Variants in TRIP12 observed in about 807,000 individuals in gnomAD.
TRIP12 encodes thyroid hormone receptor interactor 12, also known as E3 ubiquitin-protein ligase TRIP12.
In TRIP12, 25 loss-of-function variants were observed where a neutral mutation model predicts 244.2. The observed-to-expected ratio is 0.10, with a 90% CI of 0.07 to 0.14. TRIP12 has a LOEUF of 0.14. Among genes scored for constraint, TRIP12 ranks in the 10% least tolerant of loss-of-function variants. The pLI is 1.00. For synonymous variants in TRIP12, 905 were observed against 873.1 expected, an observed-to-expected ratio of 1.04 and a Z score of -0.64; for missense variants, 1,677 against 2,486.4, an observed-to-expected ratio of 0.67 and a Z score of 6.92.
At chr2:229,872,041 T>A (rs1289948484) in intron 2 of TRIP12, among the ~76,000 whole-genome samples, 1 of 143,276 alleles carries the variant, frequency 7.0e-6, no homozygotes, top group Non-Finnish European at 1.5e-5. Context: ...AATTGATATA[T>A]CTACATAACG....
chr2:229,768,788 G>A (rs183313022), intron 40 of TRIP12, 69 bp from the exon 41 acceptor site: 101 of 1,338,806 alleles, frequency 7.5e-5, no homozygotes, highest in African/African-American at 5.2e-4. Context: ...ACACTGCATC[G>A]CATCACATGA....
chr2:229,906,315 A>AG (rs1057437062), intron 1 of TRIP12, among the ~76,000 whole-genome samples: 15 of 151,462 alleles, frequency 9.9e-5, no homozygotes, highest in Non-Finnish European at 2.1e-4. Context: ...AAAAAAAAAA[A>AG]AAAGAAAAGA....
At chr2:229,884,903 G>A (rs376110588) in intron 1 of TRIP12, among the ~76,000 whole-genome samples, 2 of 152,276 alleles carry the variant, frequency 1.3e-5, no homozygotes, top group African/African-American at 4.8e-5. Flanking sequence ...CTGGGAGGAC[G>A]AGGCTGTGGC....
intron 1 of TRIP12, among the ~76,000 whole-genome samples, chr2:229,895,334 T>C (rs530940577): frequency 1.3e-5 from 2 of 150,448 alleles, no homozygotes; most frequent in South Asian, 2.1e-4. Flanking sequence ...AAATAAGATA[T>C]GCAGAGAATA....
chr2:229,778,946 T>C lies in TRIP12; in HGVS notation c.5139A>G (p.Val1713=), dbSNP rs767011745. 4 of 1,613,890 alleles carry C rather than the reference T, an allele frequency of 2.5e-6. No homozygotes were observed. In the Admixed American group the frequency reaches 6.7e-5, roughly 27 times the overall value. ...LGPTLEFYAL[V]SQELQRADLG... is the part of the protein sequence containing the mutation. ...AGTCAGCTCTCTGTAGTTCCTGAGA[T>C]ACAAGCGCATAAAACTCCAGTGTAG... is the stretch of plus-strand genomic sequence containing the variant. Residue 1713 remains valine (V), a synonymous_variant, in exon 35 of 42, where the codon GTA becomes GTG. Coordinates refer to ENST00000675903, the MANE Select transcript of TRIP12 (RefSeq NM_001348323.3). The surrounding 1 kb of genome is among the most constrained non-coding windows in gnomAD (Gnocchi z 4.1).
rs1159231231 is a variant in TRIP12, at chr2:229,765,672, T to G, written c.*1882A>C. The G allele has an allele frequency of 6.6e-6, 1 of 152,218 alleles. No homozygotes were observed. The highest frequency in any genetic ancestry group is 1.5e-5 in the Non-Finnish European group (1 of 68,034). 9.4% of individuals were successfully genotyped at this position (152,218 alleles called of 1,614,324 possible). A position where few individuals can be genotyped will look rare whatever the true frequency, so the allele number is the denominator to read the frequency against. ...TTTAAAAATCAGGAACAAAATGCTA[T>G]GTTCACACAAAAATCCTTGTGCTTA... On this transcript the variant is annotated 3_prime_UTR_variant, in exon 42 of 42. Transcript: ENST00000675903.
At position 229,805,709 on chromosome 2, in the gene TRIP12, T is replaced by C. The variant is rs751542614; in HGVS notation, c.2650+21A>G. ...ATATTGCACAATAGTATAGTGCTAT[T>C]TTAACTCAGAATGTACTTACTAGTG... On this transcript the variant is annotated intron_variant, in intron 18 of 41. Coordinates refer to ENST00000675903, the MANE Select transcript of TRIP12 (RefSeq NM_001348323.3). 5.6e-5 allele frequency: 87 copies of C among 1,553,744 alleles called. 1 individual carries two copies. In the South Asian group the frequency reaches 7.1e-4, roughly 13 times the overall value.
chr2:229,879,425 TC>T (rs1194807554), intron 2 of TRIP12, among the ~76,000 whole-genome samples: 1 of 152,180 alleles, frequency 6.6e-6, no homozygotes, highest in Non-Finnish European at 1.5e-5. Flanking sequence ...CTGATCTGAT[TC>T]TTCACACTAC....
chr2:229,879,914 G>A (rs1031775192), intron 2 of TRIP12, 68 bp downstream of exon 2: 6 of 1,558,682 alleles, frequency 3.8e-6, no homozygotes, highest in East Asian at 4.5e-5. Flanking sequence ...TTTGGACCTC[G>A]CAAGGAGGCT....
chr2:229,825,422 T>G (rs1413314107), intron 8 of TRIP12, among the ~76,000 whole-genome samples: 4 of 152,198 alleles, frequency 2.6e-5, no homozygotes, highest in African/African-American at 9.7e-5. Context: ...GGGAGTGTAT[T>G]AGTCCATTCT....
At chr2:229,827,910 T>C (rs2052184036) in intron 8 of TRIP12, among the ~76,000 whole-genome samples, 1 of 152,192 alleles carries the variant, frequency 6.6e-6, no homozygotes, top group Non-Finnish European at 1.5e-5. Flanking sequence ...CTTCTTCCAA[T>C]GTGGCCCAGG....
chr2:229,784,766 A>G (rs184913547), intron 34 of TRIP12, among the ~76,000 whole-genome samples: 43 of 152,342 alleles, frequency 2.8e-4, no homozygotes, highest in Admixed American at 2.4e-3. Context: ...AACTAAAACA[A>G]TACCAAGTGT....
intron 4 of TRIP12, among the ~76,000 whole-genome samples, chr2:229,857,934 A>G (rs2059882816): frequency 6.6e-6 from 1 of 152,244 alleles, no homozygotes; most frequent in Admixed American, 6.5e-5. Flanking sequence ...GTGAAACATA[A>G]GTAGTATTCA....
chr2:229,863,229 GAA>G (rs986127683), intron 2 of TRIP12, among the ~76,000 whole-genome samples: 2 of 90,564 alleles, frequency 2.2e-5, no homozygotes, highest in Non-Finnish European at 4.4e-5. Context: ...ACTCCATCTC[GAA>G]AAAAAAAAAA....
At chr2:229,841,048 G>T in intron 4 of TRIP12, 121 bp from the exon 5 acceptor site, 1 of 697,352 alleles carries the variant, frequency 1.4e-6, no homozygotes, top group Non-Finnish European at 2.4e-6. Context: ...AACCTCTCCA[G>T]CAGTATTACT....
chr2:229,869,340 C>T (rs114351940), intron 2 of TRIP12, among the ~76,000 whole-genome samples: 1,742 of 152,288 alleles, frequency 0.011, 13 homozygotes, highest in Middle Eastern at 0.027. Context: ...ACACCTACCA[C>T]TTACCAGCAA....
chr2:229,786,245 T>C (rs114715995), intron 33 of TRIP12, among the ~76,000 whole-genome samples: 3,426 of 152,182 alleles, frequency 0.023, 136 homozygotes, highest in African/African-American at 0.079. Flanking sequence ...GTCAAACAGG[T>C]GAGCTGGAAA....
chr2:229,839,888 T>C (rs776148384), intron 5 of TRIP12, among the ~76,000 whole-genome samples: 28 of 152,292 alleles, frequency 1.8e-4, no homozygotes, highest in Admixed American at 7.8e-4. Context: ...ACATCAAAGA[T>C]AGTTGTTTTG....
intron 6 of TRIP12, among the ~76,000 whole-genome samples, chr2:229,831,519 G>A (rs1370380167): frequency 6.6e-6 from 1 of 152,198 alleles, no homozygotes; most frequent in Non-Finnish European, 1.5e-5. Flanking sequence ...CAGCTACTGA[G>A]TTGGGCATGC....
Sources: gnomAD v4.1 joint callset for allele counts (sites outside exome capture counted in the v4.1 genomes callset) on GRCh38, gnomAD v4.1.1 for gene constraint, Gnocchi (gnomAD v3.1) non-coding constraint, MANE v1.5 for transcripts, NCBI Gene and HGNC (gene_info 2026-07-23, HGNC 2026-07-21) for gene names.